The following ATP9B variants were observed in gnomAD, a reference collection of about 807,000 sequenced individuals.
ATP9B encodes the protein ATPase phospholipid transporting 9B.
ATP9B carries 110 observed loss-of-function variants against 146.1 expected under a neutral mutation model. That is an observed-to-expected ratio of 0.75 (90% CI 0.65 to 0.88). The LOEUF (loss-of-function observed/expected upper bound fraction) is 0.88, where lower values mean the gene tolerates loss of function less well. Among genes scored for constraint, ATP9B ranks in the 40% least tolerant of loss-of-function variants. The pLI is 0.00. For missense variants in ATP9B, 1,499 were observed against 1,496.4 expected (o/e 1.00, Z -0.03); for synonymous variants, 604 against 569.7 (o/e 1.06, Z -0.86).
intron 2 of ATP9B, among the ~76,000 whole-genome samples, chr18:79,107,343 G>A (rs535727847): frequency 1.3e-5 from 2 of 152,218 alleles, no homozygotes; most frequent in Non-Finnish European, 2.9e-5. Flanking sequence ...TGGATGGTAA[G>A]TTTTATTTAA....
chr18:79,105,368 G>A (rs2075585604), intron 2 of ATP9B, among the ~76,000 whole-genome samples: 2 of 152,162 alleles, frequency 1.3e-5, no homozygotes, highest in South Asian at 4.1e-4. Context: ...TGCAATACAG[G>A]TAGATTGTAA....
intron 13 of ATP9B, among the ~76,000 whole-genome samples, chr18:79,284,772 C>A (rs1258909484): frequency 1.3e-5 from 2 of 149,346 alleles, no homozygotes; most frequent in African/African-American, 2.5e-5. Flanking sequence ...CCCTCCCCCC[C>A]ACCCCACCCC....
At chr18:79,286,829 G>T (rs1408929254) in intron 13 of ATP9B, among the ~76,000 whole-genome samples, 1 of 152,022 alleles carries the variant, frequency 6.6e-6, no homozygotes, top group South Asian at 2.1e-4. Flanking sequence ...TTAGCATGAA[G>T]GGTTGTTGAA....
At chr18:79,307,455 C>T in intron 15 of ATP9B, 1 of 606,422 alleles carries the variant, frequency 1.6e-6, no homozygotes, top group Admixed American at 3.1e-5. Context: ...CACATCTCGG[C>T]ACATCCCAGA....
At chr18:79,220,495 G>C (rs1171854607) in intron 11 of ATP9B, among the ~76,000 whole-genome samples, 2 of 152,158 alleles carry the variant, frequency 1.3e-5, no homozygotes, top group Non-Finnish European at 2.9e-5. Flanking sequence ...CAGCTACTCA[G>C]GAGGCTGAGG....
At chr18:79,124,897 C>T (rs2094255517) in intron 4 of ATP9B, among the ~76,000 whole-genome samples, 1 of 152,012 alleles carries the variant, frequency 6.6e-6, no homozygotes, top group South Asian at 2.1e-4. Flanking sequence ...GAGAATTAGG[C>T]CATCAGTGGG....
intron 8 of ATP9B, among the ~76,000 whole-genome samples, chr18:79,177,534 T>A (rs1368408241): frequency 6.6e-6 from 1 of 152,142 alleles, no homozygotes; most frequent in Non-Finnish European, 1.5e-5. Context: ...TGAGCCACCA[T>A]GCCCAGTGAT....
intron 12 of ATP9B, among the ~76,000 whole-genome samples, chr18:79,276,747 G>A (rs1177393115): frequency 1.3e-5 from 2 of 152,212 alleles, no homozygotes; most frequent in Non-Finnish European, 2.9e-5. Flanking sequence ...AAACATGTTT[G>A]TTGACTTAAA....
intron 4 of ATP9B, among the ~76,000 whole-genome samples, chr18:79,125,479 CTG>C (rs2094268190): frequency 6.6e-6 from 1 of 152,174 alleles, no homozygotes; most frequent in Non-Finnish European, 1.5e-5. Flanking sequence ...AAACAAAAAA[CTG>C]AAATAAAAAA....
At position 79,175,215 on chromosome 18, in the gene ATP9B, A is replaced by G. The variant is rs575889607; in HGVS notation, c.779-1598A>G. On this transcript the variant is annotated intron_variant, in intron 7 of 29. Transcript: ENST00000426216. ...ACTGTCTCAAAAAAAAAAAAAAAAG[A>G]AAAAAAAAAACATCAAAACTTTTGA... 1.4e-3 allele frequency among the ~76,000 whole-genome samples: 208 copies of G among 143,780 alleles called. 2 individuals carry two copies. The highest frequency in any genetic ancestry group is 5.2e-3 in the African/African-American group (195 of 37,450). The allele number at this position is 143,780 out of a possible 152,430, so 94.3% of individuals were successfully genotyped here.
intron 7 of ATP9B, among the ~76,000 whole-genome samples, chr18:79,157,405 A>AACAAAAAAAAC (rs1555714761): frequency 8.0e-6 from 1 of 124,598 alleles, no homozygotes; most frequent in Non-Finnish European, 1.7e-5. Flanking sequence ...TCAAAAAAAA[A>AACAAAAAAAAC]AAAAAAAAAA....
chr18:79,294,481 G>A lies in ATP9B; in HGVS notation c.1412-9123G>A, dbSNP rs549795156. Among the ~76,000 whole-genome samples, 326 of 152,326 alleles carry A rather than the reference G, an allele frequency of 2.1e-3. 1 individual carries two copies. Among genetic ancestry groups the A allele is most frequent in the Non-Finnish European group, 2.9e-3 (194 of 68,030 alleles). On this transcript the variant is annotated intron_variant, in intron 13 of 29. Coordinates refer to ENST00000426216, the MANE Select transcript of ATP9B (RefSeq NM_198531.5). Reference sequence around the variant, plus strand: ...CAGGGCCCACAGGCACAGGAGAAACGGCCAGTGGCCAAGTACAGATTGTGG... The same window carrying A: ...CAGGGCCCACAGGCACAGGAGAAACAGCCAGTGGCCAAGTACAGATTGTGG...
At chr18:79,256,284 T>TATATATATATATATATATACAC (rs1217998447) in intron 12 of ATP9B, among the ~76,000 whole-genome samples, 3 of 122,898 alleles carry the variant, frequency 2.4e-5, no homozygotes, top group Non-Finnish European at 3.7e-5. Context: ...TATATATATA[T>TATATATATATATATATATACAC]ATACATACAT....
chr18:79,212,544 A>G (rs924371841), intron 10 of ATP9B, among the ~76,000 whole-genome samples: 2 of 152,212 alleles, frequency 1.3e-5, no homozygotes, highest in Non-Finnish European at 2.9e-5. Context: ...GCCTTCTTAC[A>G]TCATTGTGAT....
chr18:79,375,605 T>C, intron 29 of ATP9B, 179 bp downstream of exon 29: 2 of 985,470 alleles, frequency 2.0e-6, no homozygotes, highest in Non-Finnish European at 2.4e-6. Context: ...CTGAGTGCTG[T>C]TGGCTTGCCT....
intron 2 of ATP9B, among the ~76,000 whole-genome samples, chr18:79,107,130 T>C (rs1468313580): frequency 6.6e-6 from 1 of 152,168 alleles, no homozygotes; most frequent in Non-Finnish European, 1.5e-5. Context: ...TTTGCTCTAT[T>C]TGAAATGCTG....
intron 8 of ATP9B, among the ~76,000 whole-genome samples, chr18:79,184,094 T>A (rs951552848): frequency 6.6e-6 from 1 of 152,206 alleles, no homozygotes; most frequent in African/African-American, 2.4e-5. Flanking sequence ...TGTTTTTCTT[T>A]ATGCATTTAT....
At chr18:79,242,139 C>G (rs960158939) in intron 11 of ATP9B, among the ~76,000 whole-genome samples, 1 of 152,144 alleles carries the variant, frequency 6.6e-6, no homozygotes, top group African/African-American at 2.4e-5. Flanking sequence ...TCGCTAAATC[C>G]AAGCGTTTTG....
chr18:79,118,830 G>A (rs2094139703), intron 4 of ATP9B, among the ~76,000 whole-genome samples: 1 of 151,950 alleles, frequency 6.6e-6, no homozygotes, highest in Non-Finnish European at 1.5e-5. Flanking sequence ...AGCACTTTGG[G>A]AGGCCAAGGC....
Sources: gnomAD v4.1 joint callset for allele counts (sites outside exome capture counted in the v4.1 genomes callset) on GRCh38, gnomAD v4.1.1 for gene constraint, MANE v1.5 for transcripts, NCBI Gene and HGNC (gene_info 2026-07-23, HGNC 2026-07-21) for gene names.